DNM3: variants seen among roughly 807,000 people sequenced by gnomAD.
The protein encoded by DNM3 is dynamin-3.
DNM3 carries 47 observed loss-of-function variants against 101.6 expected under a neutral mutation model. The observed-to-expected ratio is 0.46, with a 90% CI of 0.37 to 0.59. The LOEUF (loss-of-function observed/expected upper bound fraction) is 0.59, where lower values mean the gene tolerates loss of function less well. DNM3 is among the 20% of genes least tolerant of loss of function. The probability of loss-of-function intolerance (pLI) is 0.00; values close to 1 mark genes in which losing one functional copy is unlikely to be tolerated. For synonymous variants in DNM3, 385 were observed against 387.9 expected, an observed-to-expected ratio of 0.99 and a Z score of 0.09; for missense variants, 849 against 1,085.7, an observed-to-expected ratio of 0.78 and a Z score of 3.06.
intron 1 of DNM3, among the ~76,000 whole-genome samples, chr1:171,842,408 T>C (rs2031402061): frequency 6.6e-6 from 1 of 152,212 alleles, no homozygotes. Context: ...AGACGTCGTT[T>C]GTTGTGGTGA....
intron 4 of DNM3, among the ~76,000 whole-genome samples, chr1:172,022,072 G>T (rs1412166654): frequency 6.6e-6 from 1 of 152,136 alleles, no homozygotes; most frequent in African/African-American, 2.4e-5. Context: ...TTAGGAGGCA[G>T]AAAAATTTAG....
intron 16 of DNM3, chr1:172,310,092 G>T (rs577914629): frequency 1.3e-5 from 2 of 152,276 alleles, no homozygotes; most frequent in African/African-American, 4.8e-5. Context: ...TTGTCGAGTT[G>T]TTCTCCTGTT....
intron 4 of DNM3, among the ~76,000 whole-genome samples, chr1:172,015,659 A>C (rs1007295788): frequency 6.6e-5 from 10 of 152,128 alleles, no homozygotes; most frequent in African/African-American, 1.9e-4. Context: ...TAGTTTCAGG[A>C]GTGTTTTTGT....
intron 20 of DNM3, among the ~76,000 whole-genome samples, chr1:172,391,792 A>G (rs1457540040): frequency 1.3e-5 from 2 of 152,140 alleles, no homozygotes; most frequent in African/African-American, 2.4e-5. Flanking sequence ...TAACATGACA[A>G]GACAGCACAA....
At chr1:172,155,066 A>G (rs1225085162) in intron 14 of DNM3, among the ~76,000 whole-genome samples, 1 of 152,046 alleles carries the variant, frequency 6.6e-6, no homozygotes, top group Non-Finnish European at 1.5e-5. Context: ...TAAATTTTCT[A>G]TTTAGTGATC....
intron 17 of DNM3, among the ~76,000 whole-genome samples, chr1:172,358,689 GTC>G (rs2067575138): frequency 6.6e-6 from 1 of 152,048 alleles, no homozygotes; most frequent in Non-Finnish European, 1.5e-5. Context: ...TTTAGAAGGA[GTC>G]TCTCTCAGTT....
At chr1:171,891,012 T>G (rs1245567457) in intron 1 of DNM3, among the ~76,000 whole-genome samples, 1 of 152,164 alleles carries the variant, frequency 6.6e-6, no homozygotes, top group Non-Finnish European at 1.5e-5. Context: ...TATTGAAAAG[T>G]CTTGTCTTAA....
chr1:172,379,024 A>G lies in DNM3; in HGVS notation c.1900A>G (p.Asn634Asp). The stretch of plus-strand genomic sequence containing the variant: ...TTGTTTTCTCTTCTTTTAGGCTGAA[A>G]ATGATGAGAATGGACAAGCAGAAAA... ...DKSVGNNKAE[N>D]DENGQAENFS... is the part of the protein sequence containing the mutation. The change falls in exon 18 of 21, where the codon AAT (asparagine) becomes GAT (aspartate). Residue 634 changes from asparagine (N) to aspartate (D), a missense_variant. By Grantham distance (23) the Asn-to-Asp change is conservative. This residue lies in a region of DNM3 where 256 missense variants were observed against 311.7 expected (regional missense o/e 0.82). Transcript: ENST00000627582. 6.2e-7 allele frequency: 1 copy of G among 1,609,390 alleles called. No individual in the cohort carries two copies. Among genetic ancestry groups the G allele is most frequent in the Non-Finnish European group, 8.5e-7 (1 of 1,178,048 alleles).
chr1:172,173,601 T>A (rs931937576), intron 14 of DNM3, among the ~76,000 whole-genome samples: 3 of 151,302 alleles, frequency 2.0e-5, no homozygotes, highest in South Asian at 4.2e-4. Context: ...AGCACTGGGA[T>A]TATAGGCTCA....
chr1:171,958,967 A>G (rs2043034997), intron 2 of DNM3, among the ~76,000 whole-genome samples: 1 of 152,222 alleles, frequency 6.6e-6, no homozygotes, highest in African/African-American at 2.4e-5. Flanking sequence ...AACAGTAATA[A>G]GTCTAGGAGC....
chr1:171,955,731 A>G (rs933989986), intron 2 of DNM3, among the ~76,000 whole-genome samples: 2 of 152,150 alleles, frequency 1.3e-5, no homozygotes, highest in Non-Finnish European at 2.9e-5. Flanking sequence ...AGTAGAAGCT[A>G]ACTGGGCTGT....
chr1:172,151,836 T>C (rs1036245874), intron 14 of DNM3, among the ~76,000 whole-genome samples: 2 of 152,032 alleles, frequency 1.3e-5, no homozygotes, highest in Non-Finnish European at 2.9e-5. Flanking sequence ...GTTTTTAAGT[T>C]TTCTGAAGAG....
chr1:172,186,302 C>A (rs2059522195), intron 14 of DNM3, among the ~76,000 whole-genome samples: 1 of 151,744 alleles, frequency 6.6e-6, no homozygotes, highest in Non-Finnish European at 1.5e-5. Flanking sequence ...GGAGATATAA[C>A]CCAGAAAGGC....
At chr1:171,868,680 T>C (rs1031826960) in intron 1 of DNM3, among the ~76,000 whole-genome samples, 5 of 152,246 alleles carry the variant, frequency 3.3e-5, no homozygotes, top group African/African-American at 1.2e-4. Context: ...CAAGCAAGGA[T>C]GAGCCTCTCT....
chr1:171,941,340 G>C (rs976735867), intron 2 of DNM3, among the ~76,000 whole-genome samples: 1 of 152,154 alleles, frequency 6.6e-6, no homozygotes, highest in Non-Finnish European at 1.5e-5. Context: ...GGGCACTACA[G>C]TATAACCCTT....
intron 17 of DNM3, chr1:172,376,570 A>G (rs1180396458): frequency 1.3e-5 from 2 of 152,074 alleles, no homozygotes; most frequent in African/African-American, 4.8e-5. Context: ...GAAAAATTCC[A>G]TTTATATGCA....
At chr1:172,403,657 A>G (rs1292750747) in intron 20 of DNM3, among the ~76,000 whole-genome samples, 1 of 152,090 alleles carries the variant, frequency 6.6e-6, no homozygotes, top group Non-Finnish European at 1.5e-5. Flanking sequence ...TACAAATACA[A>G]CTTCAAGTAT....
At chr1:172,192,367 C>CT (rs199599445) in intron 14 of DNM3, among the ~76,000 whole-genome samples, 91 of 143,168 alleles carry the variant, frequency 6.4e-4, no homozygotes, top group Non-Finnish European at 6.3e-4. Flanking sequence ...GGTGGATAAG[C>CT]TTTTTTTTTT....
intron 4 of DNM3, among the ~76,000 whole-genome samples, chr1:171,993,707 T>C (rs1330632040): frequency 6.6e-6 from 1 of 152,134 alleles, no homozygotes; most frequent in African/African-American, 2.4e-5. Flanking sequence ...AATCACATTA[T>C]GTGTATGTTG....
Sources: allele counts gnomAD v4.1 joint callset (sites outside exome capture counted in the v4.1 genomes callset), GRCh38; gene constraint gnomAD v4.1.1; regional missense constraint gnomAD v4.1.1; transcripts MANE v1.5; gene names NCBI Gene and HGNC (gene_info 2026-07-23, HGNC 2026-07-21).